Variants in UTS2B observed in about 807,000 individuals in gnomAD.
The protein encoded by UTS2B is urotensin-2B.
A neutral mutation model predicts 19.2 loss-of-function variants in UTS2B; 21 were observed. The ratio of observed to expected loss-of-function variants is 1.09; its 90% CI spans 0.78 to 1.58. The LOEUF is 1.58. UTS2B is among the 40% of genes most tolerant of loss of function. The pLI is 0.00. For synonymous variants in UTS2B, 57 were observed against 50.2 expected, an observed-to-expected ratio of 1.14 and a Z score of -0.58; for missense variants, 138 against 130.3, an observed-to-expected ratio of 1.06 and a Z score of -0.29.
At chr3:191,287,754 A>G (rs1716596609) in intron 4 of UTS2B, among the ~76,000 whole-genome samples, 1 of 152,074 alleles carries the variant, frequency 6.6e-6, no homozygotes, top group Non-Finnish European at 1.5e-5. Flanking sequence ...AGTCCTAGCC[A>G]AAACAATCAG....
At chr3:191,291,298 T>C (rs2117544) in intron 4 of UTS2B, among the ~76,000 whole-genome samples, 58,608 of 151,828 alleles carry the variant, frequency 0.39, 11,822 homozygotes, top group East Asian at 0.64. Context: ...GAACAAAGGG[T>C]TTTATTTGAA....
At chr3:191,272,040 T>A (rs373288912) in intron 8 of UTS2B, among the ~76,000 whole-genome samples, 1 of 152,224 alleles carries the variant, frequency 6.6e-6, no homozygotes, top group Non-Finnish European at 1.5e-5. Flanking sequence ...CTGCTTCATC[T>A]CTTTCCTATC....
intron 4 of UTS2B, among the ~76,000 whole-genome samples, chr3:191,300,727 C>T (rs949489842): frequency 2.6e-5 from 4 of 152,322 alleles, no homozygotes; most frequent in South Asian, 2.1e-4. Flanking sequence ...AGAATTCCCC[C>T]TTTGGGGCTG....
chr3:191,276,059 G>A (rs1716228345), intron 7 of UTS2B, among the ~76,000 whole-genome samples: 1 of 151,792 alleles, frequency 6.6e-6, no homozygotes, highest in African/African-American at 2.4e-5. Context: ...TGGATTTCCT[G>A]AATTTTTTGT....
chr3:191,307,718 T>C (rs1462814181), intron 3 of UTS2B, among the ~76,000 whole-genome samples: 2 of 152,220 alleles, frequency 1.3e-5, no homozygotes, highest in Non-Finnish European at 2.9e-5. Context: ...GCAGGGAATC[T>C]GGAATCTCCT....
chr3:191,331,884 A>C (rs556871999), upstream of UTS2B, among the ~76,000 whole-genome samples: 1 of 152,190 alleles, frequency 6.6e-6, no homozygotes, highest in African/African-American at 2.4e-5. Flanking sequence ...TGAAACTCCA[A>C]CTTCATTTGA....
intron 2 of UTS2B, among the ~76,000 whole-genome samples, chr3:191,321,765 G>A (rs985641946): frequency 6.6e-6 from 1 of 152,218 alleles, no homozygotes; most frequent in African/African-American, 2.4e-5. Context: ...GGTGGCTCAT[G>A]CCTGTCATCC....
chr3:191,293,027 A>G (rs1490856769), intron 4 of UTS2B, among the ~76,000 whole-genome samples: 1 of 152,110 alleles, frequency 6.6e-6, no homozygotes, highest in Admixed American at 6.6e-5. Flanking sequence ...TAAAGTTCTC[A>G]TCCTTTATTC....
chr3:191,278,806 G>A (rs1184706876), intron 5 of UTS2B, among the ~76,000 whole-genome samples: 2 of 151,856 alleles, frequency 1.3e-5, no homozygotes, highest in African/African-American at 4.8e-5. Context: ...GAGACTTCTA[G>A]CAAGCTATAA....
intron 4 of UTS2B, among the ~76,000 whole-genome samples, chr3:191,288,840 A>C (rs1716628098): frequency 6.6e-6 from 1 of 152,194 alleles, no homozygotes. Flanking sequence ...CCTGCAAAAA[A>C]ACACAGCTGA....
At chr3:191,299,917 T>G (rs961263354) in intron 4 of UTS2B, among the ~76,000 whole-genome samples, 7 of 152,246 alleles carry the variant, frequency 4.6e-5, no homozygotes, top group Non-Finnish European at 7.3e-5. Flanking sequence ...GTGCCCTGGA[T>G]AGGAGACATG....
the UTS2B span, among the ~76,000 whole-genome samples, chr3:191,341,199 A>G: frequency 6.6e-6 from 1 of 152,336 alleles, no homozygotes; most frequent in East Asian, 1.9e-4. Context: ...GTGGGACCTC[A>G]CTAGAAGCAA....
At chr3:191,310,273 T>TC (rs892089342) in intron 3 of UTS2B, among the ~76,000 whole-genome samples, 6 of 151,812 alleles carry the variant, frequency 4.0e-5, no homozygotes, top group African/African-American at 1.5e-4. Flanking sequence ...GCCAGGTATT[T>TC]TTTTTTTTTT....
chr3:191,296,960 GAACACCTC>G lies in UTS2B; in HGVS notation c.-125+7524_-125+7531del, dbSNP rs1391273217. Among the ~76,000 whole-genome samples the G allele has an allele frequency of 7.9e-5, 12 of 152,164 alleles. 1 individual carries two copies. The highest frequency in any genetic ancestry group is 2.7e-4 in the African/African-American group (11 of 41,450). ...ATAGGCAAATTAACTAAAAACAGAT[GAACACCTC>G]AATGCATTCATAGAACAGGCAATAA... On this transcript the variant is annotated intron_variant, in intron 4 of 8. Coordinates refer to ENST00000340524, the MANE Select transcript of UTS2B (RefSeq NM_198152.5).
chr3:191,299,296 AG>A (rs2108592438), intron 4 of UTS2B, among the ~76,000 whole-genome samples: 1 of 152,362 alleles, frequency 6.6e-6, no homozygotes, highest in East Asian at 1.9e-4. Context: ...AGAGACCTTT[AG>A]GGGCAGTCCC....
chr3:191,272,792 C>T lies in UTS2B; in HGVS notation c.334+2460G>A, dbSNP rs192242621. Reference sequence around the variant, plus strand: ...AGGAGAATAGCTTGAACCCAAAAGGCGAAGGTTGCAGTGAGCCGAGGTAGC... The same window carrying T: ...AGGAGAATAGCTTGAACCCAAAAGGTGAAGGTTGCAGTGAGCCGAGGTAGC... On this transcript the variant is annotated intron_variant, in intron 8 of 8. Transcript: ENST00000340524. Among the ~76,000 whole-genome samples the T allele has an allele frequency of 1.5e-3, 230 of 149,550 alleles. 2 individuals carry two copies. The highest frequency in any genetic ancestry group is 5.3e-3 in the African/African-American group (214 of 40,564).
Position 191,273,616 on chromosome 3 carries a change from C to T in UTS2B, c.334+1636G>A, listed in dbSNP as rs16866421. 1,022 of 456,394 alleles carry T rather than the reference C, an allele frequency of 2.2e-3. 16 individuals carry two copies. Among genetic ancestry groups the T allele is most frequent in the African/African-American group, 0.018 (897 of 50,158 alleles). The allele number at this position is 456,394 out of a possible 1,614,324, so 28.3% of individuals were successfully genotyped here. A position where few individuals can be genotyped will look rare whatever the true frequency, so the allele number is the denominator to read the frequency against. On this transcript the variant is annotated intron_variant, in intron 8 of 8. Coordinates refer to ENST00000340524, the MANE Select transcript of UTS2B (RefSeq NM_198152.5). ...TGCTGCAAGCATTGGACTCGATTCC[C>T]GACTTTATTACACCATGCCTCTGAG...
At chr3:191,288,595 T>A (rs1238652202) in intron 4 of UTS2B, among the ~76,000 whole-genome samples, 1 of 152,154 alleles carries the variant, frequency 6.6e-6, no homozygotes, top group South Asian at 2.1e-4. Context: ...AGTAGACCCT[T>A]ATTCCACGCT....
intron 3 of UTS2B, among the ~76,000 whole-genome samples, chr3:191,311,044 A>T (rs781008391): frequency 2.0e-5 from 3 of 152,278 alleles, no homozygotes; most frequent in Non-Finnish European, 4.4e-5. Flanking sequence ...GATTATACAT[A>T]TCTTGGCTAA....
Sources: gnomAD v4.1 joint callset for allele counts (sites outside exome capture counted in the v4.1 genomes callset) on GRCh38, gnomAD v4.1.1 for gene constraint, MANE v1.5 for transcripts, NCBI Gene and HGNC (gene_info 2026-07-23, HGNC 2026-07-21) for gene names.